PKP4: variants seen among roughly 807,000 people sequenced by gnomAD.
PKP4 encodes the protein plakophilin 4.
Under a neutral mutation model 145.1 loss-of-function variants are expected in PKP4, and 90 were observed. The ratio of observed to expected loss-of-function variants is 0.62; its 90% CI spans 0.52 to 0.74. The LOEUF is 0.74. Ranked by LOEUF, PKP4 falls within the 30% of genes least tolerant of loss-of-function variation. PKP4 has a pLI of 0.00. For synonymous variants in PKP4, 563 were observed against 577.2 expected (o/e 0.98, Z 0.35); for missense variants, 1,340 against 1,482.7 (o/e 0.90, Z 1.58).
intron 1 of PKP4, among the ~76,000 whole-genome samples, chr2:158,523,229 C>T (rs536936062): frequency 6.7e-6 from 1 of 150,218 alleles, no homozygotes; most frequent in South Asian, 2.1e-4. Flanking sequence ...TTAAATGTCC[C>T]TGTCTGACAG....
intron 16 of PKP4, among the ~76,000 whole-genome samples, chr2:158,668,198 G>A (rs1001448199): frequency 6.7e-6 from 1 of 149,360 alleles, no homozygotes; most frequent in Non-Finnish European, 1.5e-5. Context: ...CCTGGCTGGA[G>A]CACTCTTGAA....
Position 158,621,383 on chromosome 2 carries a change from G to C in PKP4, c.565G>C (p.Val189Leu). 6.2e-7 allele frequency: 1 copy of C among 1,614,142 alleles called. No homozygotes were observed. ...CATAGGATCAACTAACAACCATGTG[G>C]TGAGGAATTCAAGAGCTGAAGGACA... is the stretch of plus-strand genomic sequence containing the variant. Reference protein sequence around the residue: ...SFIGSTNNHVVRNSRAEGQTL... With the variant: ...SFIGSTNNHVLRNSRAEGQTL... Residue 189 changes from valine (V) to leucine (L), a missense_variant, in exon 6 of 22, where the codon GTG becomes CTG. Physicochemically the swap from Val to Leu is conservative, Grantham distance 32. Coordinates refer to ENST00000389759, the MANE Select transcript of PKP4 (RefSeq NM_003628.6).
At chr2:158,636,597 T>G (rs748819849) in intron 9 of PKP4, among the ~76,000 whole-genome samples, 3 of 151,498 alleles carry the variant, frequency 2.0e-5, no homozygotes, top group South Asian at 2.1e-4. Context: ...ATTCTTTAAG[T>G]TTTTTTTTCT....
chr2:158,473,643 G>C (rs936494231), intron 1 of PKP4, among the ~76,000 whole-genome samples: 1 of 151,760 alleles, frequency 6.6e-6, no homozygotes, highest in Non-Finnish European at 1.5e-5. Context: ...ACAACCCTTG[G>C]GTCTACTTGA....
At chr2:158,664,531 AC>A (rs1382588294) in intron 15 of PKP4, among the ~76,000 whole-genome samples, 2 of 151,922 alleles carry the variant, frequency 1.3e-5, no homozygotes, top group African/African-American at 4.8e-5. Context: ...CCCCACCTTA[AC>A]CCCCCAAAAT....
intron 1 of PKP4, among the ~76,000 whole-genome samples, chr2:158,514,095 A>G (rs765663732): frequency 9.9e-5 from 15 of 152,058 alleles, no homozygotes; most frequent in Non-Finnish European, 1.9e-4. Flanking sequence ...AAAACCTAAC[A>G]CCATCTGGTG....
chr2:158,547,152 T>C (rs1351469706), intron 2 of PKP4, among the ~76,000 whole-genome samples: 22 of 152,198 alleles, frequency 1.4e-4, no homozygotes, highest in Admixed American at 1.2e-3. Context: ...ACATTTACCC[T>C]ATGGCCCAGC....
intron 1 of PKP4, among the ~76,000 whole-genome samples, chr2:158,507,857 G>C (rs2041134908): frequency 6.6e-6 from 1 of 152,096 alleles, no homozygotes; most frequent in Non-Finnish European, 1.5e-5. Context: ...TTTTCTGCTG[G>C]CTGAATGTAG....
intron 15 of PKP4, among the ~76,000 whole-genome samples, chr2:158,665,076 G>A (rs1253882638): frequency 6.6e-6 from 1 of 152,178 alleles, no homozygotes; most frequent in Non-Finnish European, 1.5e-5. Context: ...TTTCAATAGT[G>A]AGTTAAAATA....
At chr2:158,508,366 C>CAAAAAAAA (rs747754927) in intron 1 of PKP4, among the ~76,000 whole-genome samples, 6 of 115,890 alleles carry the variant, frequency 5.2e-5, no homozygotes, top group Non-Finnish European at 9.0e-5. Flanking sequence ...AACTCCGTCT[C>CAAAAAAAA]AAAAAAAAAA....
At chr2:158,565,528 A>G (rs1231996412) in intron 2 of PKP4, among the ~76,000 whole-genome samples, 1 of 149,170 alleles carries the variant, frequency 6.7e-6, no homozygotes, top group Admixed American at 6.8e-5. Flanking sequence ...AACAGGGAGT[A>G]TGCAGATATT....
At chr2:158,615,554 A>G (rs1393826737) in intron 4 of PKP4, among the ~76,000 whole-genome samples, 2 of 152,128 alleles carry the variant, frequency 1.3e-5, no homozygotes, top group East Asian at 1.9e-4. Context: ...TCATTTTTAT[A>G]TGACTATTTG....
chr2:158,542,198 TC>T (rs34556360), intron 2 of PKP4, among the ~76,000 whole-genome samples: 1 of 152,200 alleles, frequency 6.6e-6, no homozygotes, highest in Admixed American at 6.6e-5. Context: ...ACTGGAGATT[TC>T]CCATTGTCCC....
intron 4 of PKP4, among the ~76,000 whole-genome samples, chr2:158,619,537 T>C (rs1415404554): frequency 1.3e-5 from 2 of 152,196 alleles, no homozygotes; most frequent in Admixed American, 6.5e-5. Flanking sequence ...ACTTCTCCCT[T>C]AAACCTTGTA....
In PKP4 at chr2:158,593,513, A is replaced by G. The variant is rs1278036801; in HGVS notation, c.246-9557A>G. On this transcript the variant is annotated intron_variant, in intron 3 of 21. Coordinates refer to ENST00000389759, the MANE Select transcript of PKP4 (RefSeq NM_003628.6). ...CGTCCTTTTTGATCTTCCCTTTCCC[A>G]TATGGTCTTCTGACTCTTTTATTCA... 2.6e-5 allele frequency among the ~76,000 whole-genome samples: 4 copies of G among 152,198 alleles called. No individual in the cohort carries two copies. The East Asian group carries it at 7.7e-4, about 29-fold the overall frequency.
intron 2 of PKP4, chr2:158,548,855 C>T: frequency 4.9e-6 from 1 of 205,354 alleles, no homozygotes; most frequent in Non-Finnish European, 1.0e-5. Flanking sequence ...TTAACATTGT[C>T]ACCACCTTTG....
chr2:158,620,595 C>T (rs2052128973), intron 4 of PKP4, among the ~76,000 whole-genome samples: 1 of 152,128 alleles, frequency 6.6e-6, no homozygotes, highest in Non-Finnish European at 1.5e-5. Context: ...ATAATATGAA[C>T]GTTGTGTAAG....
chr2:158,561,755 C>G (rs932859113), intron 2 of PKP4, among the ~76,000 whole-genome samples: 1 of 151,434 alleles, frequency 6.6e-6, no homozygotes, highest in Non-Finnish European at 1.5e-5. Context: ...CTCTACCCAT[C>G]GCAGTGTTTA....
chr2:158,476,253 C>T (rs1011947540), intron 1 of PKP4, among the ~76,000 whole-genome samples: 23 of 152,160 alleles, frequency 1.5e-4, no homozygotes, highest in Non-Finnish European at 3.2e-4. Context: ...TCCACATGTA[C>T]AGCGAAAAAT....
Sources: allele counts gnomAD v4.1 joint callset (sites outside exome capture counted in the v4.1 genomes callset), GRCh38; gene constraint gnomAD v4.1.1; transcripts MANE v1.5; gene names NCBI Gene and HGNC (gene_info 2026-07-23, HGNC 2026-07-21).